The following ABCC3 variants were observed in gnomAD, a reference collection of about 807,000 sequenced individuals.
ABCC3 encodes the protein ATP binding cassette subfamily C member 3.
Under a neutral mutation model 165.3 loss-of-function variants are expected in ABCC3, and 121 were observed. The observed-to-expected ratio is 0.73, with a 90% CI of 0.63 to 0.85. ABCC3 has a LOEUF of 0.85. Among genes scored for constraint, ABCC3 ranks in the 40% least tolerant of loss-of-function variants. The probability of loss-of-function intolerance (pLI) is 0.00; values close to 1 mark genes in which losing one functional copy is unlikely to be tolerated. For synonymous variants in ABCC3, 733 were observed against 810.1 expected, an observed-to-expected ratio of 0.90 and a Z score of 1.62; for missense variants, 1,869 against 1,964.1, an observed-to-expected ratio of 0.95 and a Z score of 0.92.
rs1967976197 is a variant in ABCC3 at position 50,684,029 on chromosome 17, T to G, written c.4035T>G (p.Gly1345=). 1 of 1,612,692 alleles carries G rather than the reference T, an allele frequency of 6.2e-7. No homozygotes were observed. Among genetic ancestry groups the G allele is most frequent in the African/African-American group, 1.3e-5 (1 of 74,838 alleles). ...CLFRILEAAK[G]EIRIDGLNVA... ...TCCGCATCCTGGAGGCGGCAAAGGG[T>G]GAAATCCGCATTGATGGCCTCAATG... The change falls in exon 28 of 31, where the codon GGT becomes GGG. Residue 1345 remains glycine, a synonymous_variant. Transcript: ENST00000285238.
At position 50,659,227 on chromosome 17, in the gene ABCC3, C is replaced by T; in HGVS notation, c.675-10C>T. 1 of 1,613,184 alleles carries T rather than the reference C, an allele frequency of 6.2e-7. No homozygotes were observed. Among genetic ancestry groups the T allele is most frequent in the South Asian group, 1.1e-5 (1 of 91,030 alleles). On this transcript the variant is annotated splice_polypyrimidine_tract_variant and intron_variant, in intron 6 of 30. Transcript: ENST00000285238. ...TGCGGGGCTGCCTGCCGGGCTTCAC[C>T]TCCCCCCAGGATGGCCATCTATGGC...
At chr17:50,635,109 G>A (rs938987549) in intron 1 of ABCC3, 128 bp downstream of exon 1, 8 of 1,042,494 alleles carry the variant, frequency 7.7e-6, no homozygotes, top group Non-Finnish European at 9.9e-6. Flanking sequence ...CGGCCTGGGC[G>A]CCCGGGAGGG....
intron 1 of ABCC3, among the ~76,000 whole-genome samples, chr17:50,646,920 C>T (rs937239672): frequency 6.6e-6 from 1 of 152,220 alleles, no homozygotes; most frequent in Non-Finnish European, 1.5e-5. Context: ...CCCTCTGTCA[C>T]CAGGCTGGAG....
chr17:50,676,893 G>GTA (rs1567837028), intron 23 of ABCC3, among the ~76,000 whole-genome samples: 1 of 150,760 alleles, frequency 6.6e-6, no homozygotes, highest in Non-Finnish European at 1.5e-5. Flanking sequence ...TTTTGGGGGG[G>GTA]GGGGGACGGA....
chr17:50,657,491 C>T (rs879644894), intron 4 of ABCC3, among the ~76,000 whole-genome samples: 7 of 152,234 alleles, frequency 4.6e-5, no homozygotes, highest in Non-Finnish European at 7.3e-5. Context: ...GTGTAATGAA[C>T]ACATGTATGC....
chr17:50,675,211 C>T, intron 19 of ABCC3, 151 bp from the exon 20 acceptor site: 1 of 545,186 alleles, frequency 1.8e-6, no homozygotes, highest in Non-Finnish European at 3.2e-6. Context: ...GTTGCTTAAC[C>T]CAAGTCTTTC....
chr17:50,655,905 T>C lies in ABCC3; in HGVS notation c.119T>C (p.Val40Ala). 6.2e-7 allele frequency: 1 copy of C among 1,614,032 alleles called. No individual in the cohort carries two copies. The highest frequency in any genetic ancestry group is 1.7e-5 in the Admixed American group (1 of 60,004). The change falls in exon 2 of 31, where the codon GTG becomes GCG. Residue 40 changes from valine to alanine, a missense_variant. By Grantham distance (64) the Val-to-Ala change is moderately conservative. Transcript: ENST00000285238. The stretch of plus-strand genomic sequence containing the variant: ...TTCCAGAACTCCCTGCTGGCCTGGG[T>C]GCCCTGCATCTACCTGTGGGTCGCC... ...PCFQNSLLAW[V>A]PCIYLWVALP... is the part of the protein sequence containing the mutation.
rs2146609334 is a variant in ABCC3 at position 50,659,353 on chromosome 17, A to G, written c.791A>G (p.Glu264Gly). The G allele has an allele frequency of 1.2e-6, 2 of 1,610,526 alleles. No individual in the cohort carries two copies. Among genetic ancestry groups the G allele is most frequent in the Middle Eastern group, 1.7e-4 (1 of 5,876 alleles). Reference protein sequence around the residue: ...QQLLEAWRKQEKQTARHKASA... With the variant: ...QQLLEAWRKQGKQTARHKASA... ...CTGCTGGAGGCATGGAGGAAGCAGG[A>G]AAAGCAGACGGCACGGTGAGGCCCT... Residue 264 changes from glutamate (E) to glycine (G), a missense_variant, in exon 7 of 31, where the codon GAA becomes GGA. Physicochemically the swap from Glu to Gly is moderately conservative, Grantham distance 98 (BLOSUM62 -2). Transcript: ENST00000285238.
At chr17:50,681,290 C>T (rs1597860725) in intron 26 of ABCC3, among the ~76,000 whole-genome samples, 1 of 152,152 alleles carries the variant, frequency 6.6e-6, no homozygotes, top group Non-Finnish European at 1.5e-5. Context: ...GGTTCTAAGA[C>T]GTGAACTCCC....
At chr17:50,667,833 C>T in intron 12 of ABCC3, 30 bp from the exon 13 acceptor site, 2 of 1,613,674 alleles carry the variant, frequency 1.2e-6, no homozygotes, top group Non-Finnish European at 1.7e-6. Flanking sequence ...TCATTGGACT[C>T]TACCCTGACA....
chr17:50,676,891 G>T (rs1004096959), intron 23 of ABCC3, among the ~76,000 whole-genome samples: 17 of 150,156 alleles, frequency 1.1e-4, no homozygotes, highest in Non-Finnish European at 2.1e-4. Flanking sequence ...TTTTTTGGGG[G>T]GGGGGGGACG....
chr17:50,692,152 A>G lies in ABCC3; in HGVS notation c.*952A>G, dbSNP rs535937610. 1.3e-5 allele frequency: 2 copies of G among 152,424 alleles called. No homozygotes were observed. The highest frequency in any genetic ancestry group is 4.1e-4 in the South Asian group (2 of 4,830). 9.4% of individuals were successfully genotyped at this position (152,424 alleles called of 1,614,324 possible). ...AAAGCTGAATGTGTGAGCACAAAGA[A>G]GCCGAGAGGCCACCTCCTGCCCAGA... is the stretch of plus-strand genomic sequence containing the variant. On this transcript the variant is annotated 3_prime_UTR_variant, in exon 31 of 31. Coordinates refer to ENST00000285238, the MANE Select transcript of ABCC3 (RefSeq NM_003786.4).
At chr17:50,683,911 CA>C in intron 27 of ABCC3, 37 bp from the exon 28 acceptor site, 1 of 1,603,352 alleles carries the variant, frequency 6.2e-7, no homozygotes, top group Admixed American at 1.7e-5. Flanking sequence ...TTTGACCTCT[CA>C]GCTTCCCCCT....
At chr17:50,650,372 C>T (rs571208470) in intron 1 of ABCC3, among the ~76,000 whole-genome samples, 2 of 152,214 alleles carry the variant, frequency 1.3e-5, no homozygotes, top group Admixed American at 6.5e-5. Flanking sequence ...CTCCCAAAGT[C>T]CTGGGATTAC....
rs754126957 is a variant in ABCC3 at position 50,676,056 on chromosome 17, GC to G, written c.3034del (p.Leu1012TrpfsTer7). 48 of 1,614,204 alleles carry G rather than the reference GC, an allele frequency of 3.0e-5. No homozygotes were observed. The Admixed American group carries it at 7.8e-4, about 26-fold the overall frequency. On this transcript the variant is annotated frameshift_variant, in exon 22 of 31. Transcript: ENST00000285238. LOFTEE classifies it high-confidence loss of function. ...DSRQNNTSLR[L>X]GVYAALGILQ... ...GTAGACAGAACAACACTTCCCTGAG[GC>G]TGGGCGTCTATGCTGCTTTAGGAAT...
chr17:50,644,959 A>C (rs543439057), intron 1 of ABCC3, among the ~76,000 whole-genome samples: 1 of 152,338 alleles, frequency 6.6e-6, no homozygotes, highest in South Asian at 2.1e-4. Flanking sequence ...CGGAGCTTGC[A>C]GTGAGCCGAG....
intron 19 of ABCC3, among the ~76,000 whole-genome samples, chr17:50,673,900 T>TTTTCTTTCTTTCTCTCTTTCTTTC (rs1597856632): frequency 3.0e-5 from 4 of 131,624 alleles, no homozygotes; most frequent in Admixed American, 3.0e-4. Flanking sequence ...TCAGAGCCTG[T>TTTTCTTTCTTTCTCTCTTTCTTTC]TTTCTTTCTT....
At position 50,657,092 on chromosome 17, in the gene ABCC3, A is replaced by G. The variant is rs763277467; in HGVS notation, c.395A>G (p.Gln132Arg). The G allele has an allele frequency of 6.2e-7, 1 of 1,613,800 alleles. No homozygotes were observed. ...CAGTATGAGCGGCTGCAGGGCGTAC[A>G]GTCTTCGGGGGTCCTCATTATCTTC... ...LIQYERLQGV[Q>R]SSGVLIIFWF... Residue 132 changes from glutamine to arginine, a missense_variant, in exon 4 of 31, where the codon CAG (glutamine) becomes CGG (arginine). Physicochemically the swap from Gln to Arg is conservative, Grantham distance 43. Transcript: ENST00000285238.
chr17:50,646,111 G>A (rs140750197), intron 1 of ABCC3, among the ~76,000 whole-genome samples: 60 of 152,318 alleles, frequency 3.9e-4, no homozygotes, highest in African/African-American at 1.0e-3. Context: ...AAGAAAAAGC[G>A]GAGAAGGGTG....
Sources: allele counts gnomAD v4.1 joint callset (sites outside exome capture counted in the v4.1 genomes callset), GRCh38; gene constraint gnomAD v4.1.1; transcripts MANE v1.5; gene names NCBI Gene and HGNC (gene_info 2026-07-23, HGNC 2026-07-21).